Variants in IQCE observed in about 807,000 individuals in gnomAD.
IQCE encodes IQ domain-containing protein E.
IQCE carries 115 observed loss-of-function variants against 96.0 expected under a neutral mutation model. The observed-to-expected ratio is 1.20, with a 90% CI of 1.03 to 1.40. The LOEUF (loss-of-function observed/expected upper bound fraction) is 1.40. IQCE is among the 40% of genes most tolerant of loss of function. The pLI is 0.00. For synonymous variants in IQCE, 412 were observed against 371.2 expected (o/e 1.11, Z -1.26); for missense variants, 1,041 against 909.1 (o/e 1.15, Z -1.87).
chr7:2,573,935 A>G (rs2969044), intron 6 of IQCE, among the ~76,000 whole-genome samples: 2 of 152,052 alleles, frequency 1.3e-5, no homozygotes, highest in African/African-American at 4.8e-5. Flanking sequence ...TTACAACCAC[A>G]GTCTGCTGAT....
In IQCE at chr7:2,611,123, C is replaced by CTGGGCTGGGCTGGGG. The variant is rs1785085480; in HGVS notation, c.*975_*976insGTGGGCTGGGCTGGG. The CTGGGCTGGGCTGGGG allele has an allele frequency of 7.4e-6, 1 of 136,012 alleles. No individual in the cohort carries two copies. Among genetic ancestry groups the CTGGGCTGGGCTGGGG allele is most frequent in the African/African-American group, 2.7e-5 (1 of 36,902 alleles). 8.4% of individuals were successfully genotyped at this position (136,012 alleles called of 1,614,324 possible). Reference sequence around the variant, plus strand: ...TCCCAAGCTCCATGGCTGGGCTGGGCTGGGCTGGGCTGGGCTGGGCCGGGC... The same window carrying CTGGGCTGGGCTGGGG: ...TCCCAAGCTCCATGGCTGGGCTGGGCTGGGCTGGGCTGGGGTGGGCTGGGCTGGGCTGGGCCGGGC... On this transcript the variant is annotated 3_prime_UTR_variant, in exon 22 of 22. Coordinates refer to ENST00000402050, the MANE Select transcript of IQCE (RefSeq NM_152558.5).
intron 8 of IQCE, chr7:2,581,981 G>T (rs1251556079): frequency 4.5e-6 from 2 of 439,638 alleles, no homozygotes; most frequent in Admixed American, 5.3e-5. Flanking sequence ...CAAAGTGCTG[G>T]GATTACAGGC....
chr7:2,583,664 C>G lies in IQCE; in HGVS notation c.729C>G (p.Thr243=), dbSNP rs781448032. 6.3e-7 allele frequency: 1 copy of G among 1,587,920 alleles called. No homozygotes were observed. Among genetic ancestry groups the G allele is most frequent in the Admixed American group, 1.7e-5 (1 of 58,940 alleles). The change falls in exon 10 of 22, where the codon ACC becomes ACG. Residue 243 remains threonine (T), a synonymous_variant. Coordinates refer to ENST00000402050, the MANE Select transcript of IQCE (RefSeq NM_152558.5). ...ISKLQTDMKT[T]NLEEMRIAME... Reference sequence around the variant, plus strand: ...AACTCCAGACCGATATGAAGACTACCAACCTGGAAGAGATGCGGATCGCCA... The same window carrying G: ...AACTCCAGACCGATATGAAGACTACGAACCTGGAAGAGATGCGGATCGCCA...
At chr7:2,576,768 A>C (rs1268476217) in intron 6 of IQCE, among the ~76,000 whole-genome samples, 2 of 152,160 alleles carry the variant, frequency 1.3e-5, no homozygotes, top group Non-Finnish European at 1.5e-5. Flanking sequence ...CCACAGATAA[A>C]GATTGGGAAG....
chr7:2,573,465 G>C lies in IQCE; in HGVS notation c.442G>C (p.Asp148His). ...CTACAGAGAAAAAGAAGATATGTAT[G>C]ACGAGATTATTGAGTTAAAGAAGGT... The part of the protein sequence containing the change: ...PVYREKEDMY[D>H]EIIELKKSLH... Residue 148 changes from aspartate to histidine, a missense_variant, in exon 6 of 22, where the codon GAC becomes CAC. Physicochemically the swap from Asp to His is moderately conservative, Grantham distance 81 (BLOSUM62 -1). Coordinates refer to ENST00000402050, the MANE Select transcript of IQCE (RefSeq NM_152558.5). 6.5e-7 allele frequency: 1 copy of C among 1,544,992 alleles called. No individual in the cohort carries two copies. Among genetic ancestry groups the C allele is most frequent in the East Asian group, 2.2e-5 (1 of 44,696 alleles).
At chr7:2,601,347 T>C in intron 17 of IQCE, 94 bp from the exon 18 acceptor site, 3 of 870,754 alleles carry the variant, frequency 3.4e-6, no homozygotes, top group Non-Finnish European at 5.6e-6. Context: ...CTTGTTGGCT[T>C]GATGGACACC....
Position 2,586,198 on chromosome 7 carries a change from G to T in IQCE, c.825-10G>T. On this transcript the variant is annotated splice_polypyrimidine_tract_variant and intron_variant, in intron 11 of 21. Transcript: ENST00000402050. ...AATGCAAACCTCAGTCCACGATTTG[G>T]TTGTTCCAGGCCCCTGGGGGAGAAG... is the stretch of plus-strand genomic sequence containing the variant. 3 of 1,609,802 alleles carry T rather than the reference G, an allele frequency of 1.9e-6. No individual in the cohort carries two copies. The highest frequency in any genetic ancestry group is 2.5e-6 in the Non-Finnish European group (3 of 1,178,602).
intron 20 of IQCE, among the ~76,000 whole-genome samples, 186 bp downstream of exon 20, chr7:2,606,183 C>T (rs966299701): frequency 2.6e-5 from 4 of 152,220 alleles, no homozygotes; most frequent in Admixed American, 1.3e-4. Flanking sequence ...TGCTGCACCA[C>T]GGACGTGGAG....
rs762691157 is a variant in IQCE at position 2,593,171 on chromosome 7, C to T, written c.1349+45C>T. On this transcript the variant is annotated intron_variant, in intron 15 of 21. Coordinates refer to ENST00000402050, the MANE Select transcript of IQCE (RefSeq NM_152558.5). ...GCTGGAGAGGACCCAGGCGAGTCCG[C>T]ACTCCTGCTACCACTGCGGCCCCCC... The T allele has an allele frequency of 9.6e-6, 15 of 1,569,106 alleles. No individual in the cohort carries two copies. In the African/African-American group the frequency reaches 1.6e-4, roughly 17 times the overall value.
chr7:2,604,921 C>T lies in IQCE; in HGVS notation c.1673C>T (p.Thr558Met), dbSNP rs754176708. The change falls in exon 19 of 22, where the codon ACG (threonine) becomes ATG (methionine). Residue 558 changes from threonine to methionine, a missense_variant. Transcript: ENST00000402050. ...VLQAAFRGHL[T>M]RTKLLASKAH... Reference sequence around the variant, plus strand: ...CAGGCAGCTTTCAGGGGACATCTCACGCGGACAAAGCTCTTAGCAAGCAAA... The same window carrying T: ...CAGGCAGCTTTCAGGGGACATCTCATGCGGACAAAGCTCTTAGCAAGCAAA... The T allele has an allele frequency of 6.8e-6, 11 of 1,613,774 alleles. No homozygotes were observed. The highest frequency in any genetic ancestry group is 4.4e-5 in the South Asian group (4 of 91,084).
At chr7:2,588,080 C>T (rs1266504708) in intron 13 of IQCE, among the ~76,000 whole-genome samples, 2 of 152,252 alleles carry the variant, frequency 1.3e-5, no homozygotes, top group Non-Finnish European at 2.9e-5. Flanking sequence ...CTGTGAGCTT[C>T]TGTGCGTGGC....
intron 14 of IQCE, 110 bp from the exon 15 acceptor site, chr7:2,592,912 C>T: frequency 8.5e-7 from 1 of 1,180,810 alleles, no homozygotes; most frequent in Admixed American, 2.2e-5. Flanking sequence ...GCCCCACCAT[C>T]CACTGTCCTA....
chr7:2,589,064 CA>C (rs1216363282), intron 13 of IQCE, among the ~76,000 whole-genome samples: 1 of 152,112 alleles, frequency 6.6e-6, no homozygotes, highest in African/African-American at 2.4e-5. Context: ...TAGTTTTTTA[CA>C]TATTTACAAC....
rs1276640191 is a variant in IQCE at position 2,610,193 on chromosome 7, C to T, written c.*31C>T. 6 of 1,284,188 alleles carry T rather than the reference C, an allele frequency of 4.7e-6. No homozygotes were observed. In the African/African-American group the frequency reaches 8.7e-5, roughly 19 times the overall value. The allele number at this position is 1,284,188 out of a possible 1,614,324, so 79.5% of individuals were successfully genotyped here. On this transcript the variant is annotated 3_prime_UTR_variant, in exon 22 of 22. Coordinates refer to ENST00000402050, the MANE Select transcript of IQCE (RefSeq NM_152558.5). ...CGTCACTGTCTCCACGCCGTGATGG[C>T]AGCGCTGCCGAGGACATAGGAACCA...
rs1029326549 is a variant in IQCE, at chr7:2,598,764, A to G, written c.1608+132A>G. The G allele has an allele frequency of 1.1e-5, 8 of 753,178 alleles. No homozygotes were observed. The African/African-American group carries it at 1.5e-4, about 14-fold the overall frequency. The allele number at this position is 753,178 out of a possible 1,614,324, so 46.7% of individuals were successfully genotyped here. ...CAGGTGTCTGAGCACCGTAACATAC[A>G]GAAAATGAAAACCTCATTCACACGC... is the stretch of plus-strand genomic sequence containing the variant. On this transcript the variant is annotated intron_variant, in intron 17 of 21. Coordinates refer to ENST00000402050, the MANE Select transcript of IQCE (RefSeq NM_152558.5).
chr7:2,610,298 T>C lies in IQCE; in HGVS notation c.*136T>C, dbSNP rs3735111. 2 of 647,092 alleles carry C rather than the reference T, an allele frequency of 3.1e-6. No homozygotes were observed. The highest frequency in any genetic ancestry group is 1.8e-5 in the African/African-American group (1 of 55,120). 40.1% of individuals were successfully genotyped at this position (647,092 alleles called of 1,614,324 possible). A position where few individuals can be genotyped will look rare whatever the true frequency, so the allele number is the denominator to read the frequency against. Reference sequence around the variant, plus strand: ...ACCTCAGCATCTGCGTCGTGTCTCTTTGTGCTTTTGTTTGTGGAAGGAGAC... The same window carrying C: ...ACCTCAGCATCTGCGTCGTGTCTCTCTGTGCTTTTGTTTGTGGAAGGAGAC... On this transcript the variant is annotated 3_prime_UTR_variant, in exon 22 of 22. Coordinates refer to ENST00000402050, the MANE Select transcript of IQCE (RefSeq NM_152558.5).
intron 10 of IQCE, among the ~76,000 whole-genome samples, chr7:2,583,970 G>C (rs950086178): frequency 1.4e-5 from 1 of 72,430 alleles, no homozygotes; most frequent in Non-Finnish European, 2.7e-5. Context: ...CGGAGGGCGG[G>C]CACCGTGCTG....
At chr7:2,577,031 C>T (rs535734217) in intron 6 of IQCE, among the ~76,000 whole-genome samples, 1 of 152,278 alleles carries the variant, frequency 6.6e-6, no homozygotes, top group African/African-American at 2.4e-5. Flanking sequence ...GGGGGACTTC[C>T]TGTCTATCCA....
chr7:2,591,821 A>G (rs1243470458), intron 14 of IQCE, among the ~76,000 whole-genome samples: 1 of 152,074 alleles, frequency 6.6e-6, no homozygotes, highest in Non-Finnish European at 1.5e-5. Context: ...GGGTTTCACC[A>G]TGTTGGCCAG....
Sources: gnomAD v4.1 joint callset for allele counts (sites outside exome capture counted in the v4.1 genomes callset) on GRCh38, gnomAD v4.1.1 for gene constraint, MANE v1.5 for transcripts, NCBI Gene and HGNC (gene_info 2026-07-23, HGNC 2026-07-21) for gene names.